The following ATP2B1 variants were observed in gnomAD, a reference collection of about 807,000 sequenced individuals.
The protein encoded by ATP2B1 is plasma membrane calcium-transporting ATPase 1.
In ATP2B1, 14 loss-of-function variants were observed where a neutral mutation model predicts 124.2. The ratio of observed to expected loss-of-function variants is 0.11; its 90% CI spans 0.07 to 0.18. ATP2B1 has a LOEUF of 0.18. Among genes scored for constraint, ATP2B1 ranks in the 10% least tolerant of loss-of-function variants. ATP2B1 has a pLI of 1.00. For missense variants in ATP2B1, 763 were observed against 1,466.1 expected, an observed-to-expected ratio of 0.52 and a Z score of 7.83; for synonymous variants, 449 against 492.4, an observed-to-expected ratio of 0.91 and a Z score of 1.17.
intron 3 of ATP2B1, among the ~76,000 whole-genome samples, chr12:89,640,246 AG>A (rs548335961): frequency 1.1e-3 from 164 of 152,326 alleles, no homozygotes; most frequent in African/African-American, 3.8e-3. Context: ...ACAGTAAAAT[AG>A]GTACTACTTA....
intron 2 of ATP2B1, among the ~76,000 whole-genome samples, chr12:89,650,414 G>A (rs1211478339): frequency 6.6e-6 from 1 of 151,990 alleles, no homozygotes; most frequent in East Asian, 1.9e-4. Flanking sequence ...ACATACAAAG[G>A]GAAATGACTC....
chr12:89,701,647 G>A (rs1299615874), intron 1 of ATP2B1, among the ~76,000 whole-genome samples: 2 of 152,152 alleles, frequency 1.3e-5, no homozygotes, highest in Non-Finnish European at 2.9e-5. Flanking sequence ...ATGTTACTAG[G>A]ACAGTAGAAT....
At chr12:89,633,954 TAGA>T in intron 5 of ATP2B1, among the ~76,000 whole-genome samples, 1 of 152,260 alleles carries the variant, frequency 6.6e-6, no homozygotes, top group East Asian at 1.9e-4. Flanking sequence ...ACCTAAAAGT[TAGA>T]ATAATTAATA....
At chr12:89,651,955 A>G (rs1885308909) in intron 2 of ATP2B1, among the ~76,000 whole-genome samples, 3 of 152,232 alleles carry the variant, frequency 2.0e-5, no homozygotes, top group Admixed American at 2.0e-4. Flanking sequence ...GTTACCCATC[A>G]TAAGGATAGC....
At chr12:89,691,448 G>A (rs1320400031) in intron 1 of ATP2B1, among the ~76,000 whole-genome samples, 4 of 152,022 alleles carry the variant, frequency 2.6e-5, no homozygotes, top group Admixed American at 2.6e-4. Flanking sequence ...CCAGAATTGG[G>A]TTATAAGATA....
At chr12:89,671,338 T>C (rs1887953567) in intron 1 of ATP2B1, among the ~76,000 whole-genome samples, 1 of 152,152 alleles carries the variant, frequency 6.6e-6, no homozygotes, top group Non-Finnish European at 1.5e-5. Context: ...AAAGAAAATC[T>C]GGCCTTTCTC....
At chr12:89,658,611 G>C (rs1157699577) in intron 1 of ATP2B1, among the ~76,000 whole-genome samples, 2 of 144,726 alleles carry the variant, frequency 1.4e-5, no homozygotes, top group East Asian at 4.1e-4. Context: ...GAGAGAGAGA[G>C]AGAGAGAGAG....
chr12:89,598,612 A>G (rs1875157809), intron 20 of ATP2B1: 1 of 1,613,796 alleles, frequency 6.2e-7, no homozygotes. Context: ...TAGAAGCAGT[A>G]GAAGAGGAAA....
At position 89,643,286 on chromosome 12, in the gene ATP2B1, T is replaced by A. The variant is rs117349783; in HGVS notation, c.209-931A>T. On this transcript the variant is annotated intron_variant, in intron 2 of 20. Coordinates refer to ENST00000428670, the MANE Select transcript of ATP2B1 (RefSeq NM_001366521.1). ...CACATATATATATATTTGGTTCAGT[T>A]ATATAGATATAGATACAGATTTGGT... 1.4e-4 allele frequency among the ~76,000 whole-genome samples: 21 copies of A among 151,938 alleles called. No homozygotes were observed. In the East Asian group the frequency reaches 4.1e-3, roughly 29 times the overall value.
At chr12:89,612,537 G>A (rs1354071404) in intron 12 of ATP2B1, among the ~76,000 whole-genome samples, 2 of 151,868 alleles carry the variant, frequency 1.3e-5, no homozygotes, top group Non-Finnish European at 2.9e-5. Flanking sequence ...ACCTGTAACT[G>A]CAAAAGAAAG....
chr12:89,648,635 C>T lies in ATP2B1; in HGVS notation c.209-6280G>A, dbSNP rs535114671. Reference sequence around the variant, plus strand: ...CTGGACCTGTGGTAGAGAAGGAAAACAAGTGGGCTGTGGTGCAATCACTTT... The same window carrying T: ...CTGGACCTGTGGTAGAGAAGGAAAATAAGTGGGCTGTGGTGCAATCACTTT... On this transcript the variant is annotated intron_variant, in intron 2 of 20. Coordinates refer to ENST00000428670, the MANE Select transcript of ATP2B1 (RefSeq NM_001366521.1). Among the ~76,000 whole-genome samples the T allele has an allele frequency of 2.0e-3, 310 of 152,320 alleles. 2 individuals carry two copies. The highest frequency in any genetic ancestry group is 7.2e-3 in the African/African-American group (298 of 41,574).
chr12:89,591,057 G>T lies in ATP2B1; in HGVS notation c.3590C>A (p.Thr1197Lys), dbSNP rs766556813. ...GGTAGCAGACTTGTTCATTTCTATT[G>T]TAAGGTGAATTCCACTGTCAACAGC... Reference protein sequence around the residue: ...NNAVDSGIHLTIEMNKSATSS... With the variant: ...NNAVDSGIHLKIEMNKSATSS... The change falls in exon 21 of 21, where the codon ACA (threonine) becomes AAA (lysine). Residue 1197 changes from threonine (T) to lysine (K), a missense_variant. Transcript: ENST00000428670. 50 of 1,613,088 alleles carry T rather than the reference G, an allele frequency of 3.1e-5. No homozygotes were observed. Among genetic ancestry groups the T allele is most frequent in the Non-Finnish European group, 3.6e-5 (43 of 1,179,378 alleles).
intron 1 of ATP2B1, among the ~76,000 whole-genome samples, chr12:89,699,684 A>G (rs1299491293): frequency 6.6e-6 from 1 of 152,208 alleles, no homozygotes; most frequent in African/African-American, 2.4e-5. Flanking sequence ...TGAGTCCTTA[A>G]CATATCATGG....
In ATP2B1 at chr12:89,603,389, A is replaced by AT; in HGVS notation, c.2849-136dup. 1 of 741,744 alleles carries AT rather than the reference A, an allele frequency of 1.3e-6. No homozygotes were observed. The highest frequency in any genetic ancestry group is 2.1e-6 in the Non-Finnish European group (1 of 468,260). 45.9% of individuals were successfully genotyped at this position (741,744 alleles called of 1,614,324 possible). On this transcript the variant is annotated intron_variant, in intron 17 of 20. Transcript: ENST00000428670. The surrounding 1 kb of genome is among the most constrained non-coding windows in gnomAD (Gnocchi z 4.3). ...ATGGAAGGAGCTAGAGAAACCTGGGATTATCTAGTACAACTCTCTTGTTTT... is the reference window on the plus strand; with the variant it reads ...ATGGAAGGAGCTAGAGAAACCTGGGATTTATCTAGTACAACTCTCTTGTTTT...
rs186182359 is a variant in ATP2B1 at position 89,646,241 on chromosome 12, G to C, written c.209-3886C>G. On this transcript the variant is annotated intron_variant, in intron 2 of 20. Coordinates refer to ENST00000428670, the MANE Select transcript of ATP2B1 (RefSeq NM_001366521.1). ...TGTTTCATAGATTTAAACAAAACAA[G>C]TGTAGGTGTCTAGTAGACAGCTGGC... Among the ~76,000 whole-genome samples, 28 of 152,210 alleles carry C rather than the reference G, an allele frequency of 1.8e-4. No individual in the cohort carries two copies. The East Asian group carries it at 5.4e-3, about 29-fold the overall frequency.
intron 1 of ATP2B1, among the ~76,000 whole-genome samples, chr12:89,679,573 C>T (rs188255637): frequency 2.0e-5 from 3 of 152,264 alleles, no homozygotes; most frequent in Admixed American, 2.0e-4. Context: ...TAGGTAGCCT[C>T]CAGTATTAAC....
chr12:89,619,565 C>T (rs1050820941), intron 11 of ATP2B1, among the ~76,000 whole-genome samples: 12 of 149,688 alleles, frequency 8.0e-5, no homozygotes, highest in Admixed American at 2.7e-4. Flanking sequence ...GAGCTGAGAT[C>T]GCGCCACTGC....
chr12:89,670,351 T>C (rs1887793900), intron 1 of ATP2B1, among the ~76,000 whole-genome samples: 1 of 145,338 alleles, frequency 6.9e-6, no homozygotes, highest in Non-Finnish European at 1.5e-5. Context: ...ATGGATGTTA[T>C]GTGCACAAAA....
intron 15 of ATP2B1, 84 bp from the exon 16 acceptor site, chr12:89,604,430 A>G: frequency 9.6e-7 from 1 of 1,046,386 alleles, no homozygotes; most frequent in South Asian, 1.7e-5. Context: ...TAATAAACAA[A>G]AAGTTTACCA....
Sources: gnomAD v4.1 joint callset for allele counts (sites outside exome capture counted in the v4.1 genomes callset) on GRCh38, gnomAD v4.1.1 for gene constraint, Gnocchi (gnomAD v3.1) non-coding constraint, MANE v1.5 for transcripts, NCBI Gene and HGNC (gene_info 2026-07-23, HGNC 2026-07-21) for gene names.